The following BCR variants were observed in gnomAD, a reference collection of about 807,000 sequenced individuals.
The protein encoded by BCR is BCR activator of RhoGEF and GTPase.
BCR carries 58 observed loss-of-function variants against 138.6 expected under a neutral mutation model. The observed-to-expected ratio is 0.42, with a 90% CI of 0.34 to 0.52. The LOEUF is 0.52. Among genes scored for constraint, BCR ranks in the 20% least tolerant of loss-of-function variants. The probability of loss-of-function intolerance (pLI) is 0.06; values close to 1 mark genes in which losing one functional copy is unlikely to be tolerated. For missense variants in BCR, 1,599 were observed against 1,727.2 expected, an observed-to-expected ratio of 0.93 and a Z score of 1.32; for synonymous variants, 786 against 730.1, an observed-to-expected ratio of 1.08 and a Z score of -1.23.
intron 1 of BCR, among the ~76,000 whole-genome samples, chr22:23,252,085 C>T (rs1251498264): frequency 6.6e-6 from 1 of 152,176 alleles, no homozygotes; most frequent in Non-Finnish European, 1.5e-5. Context: ...AGGCAGGGGG[C>T]CTCTTGTAGG....
intron 1 of BCR, chr22:23,198,340 G>A: frequency 2.3e-6 from 1 of 442,526 alleles, no homozygotes; most frequent in Non-Finnish European, 4.4e-6. Flanking sequence ...GGACTGGTGG[G>A]CTGGAGTCCC....
At chr22:23,190,712 G>T (rs953461375) in intron 1 of BCR, among the ~76,000 whole-genome samples, 2 of 152,074 alleles carry the variant, frequency 1.3e-5, no homozygotes, top group Non-Finnish European at 2.9e-5. Context: ...GTTTGTGCCG[G>T]CTCCCTCAGA....
At chr22:23,259,429 G>T (rs903906625) in intron 2 of BCR, among the ~76,000 whole-genome samples, 8 of 152,114 alleles carry the variant, frequency 5.3e-5, no homozygotes, top group African/African-American at 1.7e-4. Context: ...CACTCTGGGA[G>T]TTTGAGGTAG....
intron 4 of BCR, among the ~76,000 whole-genome samples, chr22:23,265,616 T>C (rs1478594088): frequency 6.6e-6 from 1 of 152,232 alleles, no homozygotes. Flanking sequence ...TGAAGTTTTA[T>C]CAACTCAGAA....
intron 1 of BCR, among the ~76,000 whole-genome samples, chr22:23,248,422 T>C (rs2073180352): frequency 6.6e-6 from 1 of 152,128 alleles, no homozygotes; most frequent in Non-Finnish European, 1.5e-5. Flanking sequence ...GTAATTCTGT[T>C]TAATTTTTTG....
At chr22:23,182,661 T>A (rs557058620) in intron 1 of BCR, among the ~76,000 whole-genome samples, 2 of 152,204 alleles carry the variant, frequency 1.3e-5, no homozygotes, top group African/African-American at 4.8e-5. Flanking sequence ...GGGACTGATT[T>A]ATGTCTTGGG....
chr22:23,243,519 G>A (rs905345128), intron 1 of BCR, among the ~76,000 whole-genome samples: 1 of 152,136 alleles, frequency 6.6e-6, no homozygotes, highest in Non-Finnish European at 1.5e-5. Flanking sequence ...AGAGGCCATG[G>A]AAGCTCCCCC....
At chr22:23,296,765 C>T (rs936665492) in intron 16 of BCR, among the ~76,000 whole-genome samples, 18 of 152,196 alleles carry the variant, frequency 1.2e-4, no homozygotes, top group African/African-American at 3.9e-4. Flanking sequence ...AACATAGACC[C>T]CTGTCTAAAA....
intron 9 of BCR, 49 bp downstream of exon 9, chr22:23,284,147 T>C: frequency 6.2e-7 from 1 of 1,605,760 alleles, no homozygotes; most frequent in Non-Finnish European, 8.5e-7. Context: ...ACCCTGACTC[T>C]CCAGGTCATG....
At chr22:23,278,091 A>G (rs981028328) in intron 8 of BCR, among the ~76,000 whole-genome samples, 2 of 152,204 alleles carry the variant, frequency 1.3e-5, no homozygotes, top group Non-Finnish European at 2.9e-5. Context: ...TAGATAACCA[A>G]TCCCCACTGC....
intron 1 of BCR, among the ~76,000 whole-genome samples, chr22:23,182,510 TGTTTGTGAAGTACA>T (rs1401826116): frequency 4.6e-5 from 7 of 152,212 alleles, no homozygotes; most frequent in Non-Finnish European, 1.0e-4. Context: ...TAGAGCAATG[TGTTTGTGAAGTACA>T]GCTTGTGAGT....
Position 23,315,815 on chromosome 22 carries a change from G to A in BCR, c.*293G>A, listed in dbSNP as rs1201189620. Reference sequence around the variant, plus strand: ...CTGGCCCTGGGAGACAGGGTGAAGGGAGTGGTTTTTATGAACTTAACTTAG... The same window carrying A: ...CTGGCCCTGGGAGACAGGGTGAAGGAAGTGGTTTTTATGAACTTAACTTAG... On this transcript the variant is annotated 3_prime_UTR_variant, in exon 23 of 23. Coordinates refer to ENST00000305877, the MANE Select transcript of BCR (RefSeq NM_004327.4). 2.0e-6 allele frequency: 1 copy of A among 496,576 alleles called. No individual in the cohort carries two copies. Among genetic ancestry groups the A allele is most frequent in the African/African-American group, 1.9e-5 (1 of 51,598 alleles). 30.8% of individuals were successfully genotyped at this position (496,576 alleles called of 1,614,324 possible).
chr22:23,315,294 C>T (rs2074057023), intron 22 of BCR, 139 bp from the exon 23 acceptor site: 2 of 664,736 alleles, frequency 3.0e-6, no homozygotes, highest in Admixed American at 2.1e-5. Flanking sequence ...ACCCCCATCT[C>T]ACTGTAAGGG....
intron 1 of BCR, among the ~76,000 whole-genome samples, chr22:23,199,768 A>T (rs2072528235): frequency 6.6e-6 from 1 of 152,132 alleles, no homozygotes; most frequent in African/African-American, 2.4e-5. Context: ...AGTCATTCCC[A>T]AGGGAGGAGG....
At chr22:23,248,202 G>A (rs2073177009) in intron 1 of BCR, among the ~76,000 whole-genome samples, 1 of 152,142 alleles carries the variant, frequency 6.6e-6, no homozygotes, top group African/African-American at 2.4e-5. Context: ...AAATTAGCTG[G>A]GTGTGGTGGC....
At chr22:23,292,149 G>A (rs1427280481) in intron 14 of BCR, among the ~76,000 whole-genome samples, 1 of 152,100 alleles carries the variant, frequency 6.6e-6, no homozygotes, top group African/African-American at 2.4e-5. Context: ...TGATTGTAGG[G>A]GCTTCCCACA....
chr22:23,228,329 A>G (rs2146240312), intron 1 of BCR, among the ~76,000 whole-genome samples: 1 of 152,022 alleles, frequency 6.6e-6, no homozygotes, highest in South Asian at 2.1e-4. Flanking sequence ...TTTCCTCGAG[A>G]CTTCCTTTTT....
intron 1 of BCR, among the ~76,000 whole-genome samples, chr22:23,189,445 T>C (rs1601993970): frequency 6.6e-6 from 1 of 152,302 alleles, no homozygotes; most frequent in African/African-American, 2.4e-5. Flanking sequence ...CTGATTTCAC[T>C]CAAGCAGGGC....
At chr22:23,290,882 G>A in intron 14 of BCR, 1 of 200,954 alleles carries the variant, frequency 5.0e-6, no homozygotes, top group East Asian at 1.1e-4. Context: ...TGTCAGAACA[G>A]TGAAGGCTGG....
Sources: allele counts gnomAD v4.1 joint callset (sites outside exome capture counted in the v4.1 genomes callset), GRCh38; gene constraint gnomAD v4.1.1; transcripts MANE v1.5; gene names NCBI Gene and HGNC (gene_info 2026-07-23, HGNC 2026-07-21).